The following RASA3 variants were observed in gnomAD, a reference collection of about 807,000 sequenced individuals.
The protein encoded by RASA3 is RAS p21 protein activator 3.
In RASA3, 73 loss-of-function variants were observed where a neutral mutation model predicts 110.0. That is an observed-to-expected ratio of 0.66 (90% CI 0.55 to 0.81). RASA3 has a LOEUF of 0.81. Among genes scored for constraint, RASA3 ranks in the 30% least tolerant of loss-of-function variants. RASA3 has a pLI of 0.00. For missense variants in RASA3, 976 were observed against 1,113.2 expected, an observed-to-expected ratio of 0.88 and a Z score of 1.75; for synonymous variants, 500 against 451.4, an observed-to-expected ratio of 1.11 and a Z score of -1.37.
intron 1 of RASA3, among the ~76,000 whole-genome samples, chr13:114,092,757 G>T (rs1451828144): frequency 6.6e-6 from 1 of 152,000 alleles, no homozygotes; most frequent in Non-Finnish European, 1.5e-5. Flanking sequence ...CTGAAAGTGG[G>T]GTGTGAAGTC....
At chr13:114,037,713 C>A (rs1446527360) in intron 4 of RASA3, among the ~76,000 whole-genome samples, 1 of 152,186 alleles carries the variant, frequency 6.6e-6, no homozygotes, top group African/African-American at 2.4e-5. Flanking sequence ...GAAAAAATAG[C>A]ATAGAATACA....
rs1431097651 is a variant in RASA3, at chr13:114,009,364, T to C, written c.1668+23A>G. ...TCTCCTGAGCACGGCACACGGGCGG[T>C]CGGAGGGTGAGTCGATACTTACGTT... On this transcript the variant is annotated intron_variant, in intron 17 of 23. Transcript: ENST00000334062. 2.5e-6 allele frequency: 4 copies of C among 1,588,096 alleles called. No individual in the cohort carries two copies. The East Asian group carries it at 8.9e-5, about 35-fold the overall frequency.
intron 5 of RASA3, among the ~76,000 whole-genome samples, chr13:114,028,501 G>T (rs111760010): frequency 1.3e-5 from 1 of 79,336 alleles, no homozygotes; most frequent in East Asian, 3.7e-4. Flanking sequence ...TGGGAGCCAG[G>T]ACCTCTAAAA....
intron 1 of RASA3, among the ~76,000 whole-genome samples, chr13:114,130,591 TGGGAGACTCA>T (rs1594489457): frequency 6.6e-6 from 1 of 152,106 alleles, no homozygotes; most frequent in African/African-American, 2.4e-5. Context: ...AGCTGCCTTC[TGGGAGACTCA>T]GGGTCTGAGT....
rs188172996 is a variant in RASA3 at position 113,983,571 on chromosome 13, T to G, written c.2246-1713A>C. 1.7e-3 allele frequency among the ~76,000 whole-genome samples: 153 copies of G among 92,684 alleles called. 12 individuals are homozygous for G. The highest frequency in any genetic ancestry group is 2.3e-3 in the Non-Finnish European group (89 of 39,504). 60.8% of individuals were successfully genotyped at this position (92,684 alleles called of 152,430 possible). A position where few individuals can be genotyped will look rare whatever the true frequency, so the allele number is the denominator to read the frequency against. ...ATTAAAATTCCAGCCTACCCATATC[T>G]CAAAAAAAATGAGACAGCATGTTTG... On this transcript the variant is annotated intron_variant, in intron 22 of 23. Transcript: ENST00000334062.
At chr13:114,000,137 GGGGGGTCTCTGTTGGGGGTGTCTCTGCT>G (rs1407880208) in intron 19 of RASA3, among the ~76,000 whole-genome samples, 6 of 120,216 alleles carry the variant, frequency 5.0e-5, no homozygotes, top group African/African-American at 1.9e-4. Context: ...TCTCTGCTGG[GGGGGGTCTCTGTTGGGGGTGTCTCTGCT>G]GGGGGTCTCT....
intron 3 of RASA3, 98 bp from the exon 4 acceptor site, chr13:114,041,192 C>A: frequency 1.9e-6 from 2 of 1,065,770 alleles, no homozygotes; most frequent in Non-Finnish European, 2.9e-6. Flanking sequence ...AGCTTATTTC[C>A]AACAGTTTAA....
At chr13:114,040,683 A>C (rs574844193) in intron 4 of RASA3, among the ~76,000 whole-genome samples, 1 of 150,574 alleles carries the variant, frequency 6.6e-6, no homozygotes, top group East Asian at 2.0e-4. Context: ...AAGCAGGCAA[A>C]CACGCACAAC....
chr13:114,021,314 A>G, intron 9 of RASA3, 90 bp downstream of exon 9: 1 of 1,146,312 alleles, frequency 8.7e-7, no homozygotes, highest in South Asian at 1.3e-5. Flanking sequence ...GGACCAGCAC[A>G]TGTGGCCTCT....
At chr13:114,022,632 G>C (rs1027366063) in intron 8 of RASA3, among the ~76,000 whole-genome samples, 1 of 152,214 alleles carries the variant, frequency 6.6e-6, no homozygotes, top group Non-Finnish European at 1.5e-5. Context: ...GGCTGCACAG[G>C]AACCCACAGC....
intron 1 of RASA3, among the ~76,000 whole-genome samples, chr13:114,122,459 C>T (rs1474122143): frequency 6.6e-6 from 1 of 152,178 alleles, no homozygotes; most frequent in South Asian, 2.1e-4. Context: ...GCCTTGGAAA[C>T]CCCCATGCAG....
At chr13:114,038,005 CG>C (rs1272012709) in intron 4 of RASA3, among the ~76,000 whole-genome samples, 4 of 151,864 alleles carry the variant, frequency 2.6e-5, no homozygotes, top group Non-Finnish European at 5.9e-5. Flanking sequence ...GGTGGGAATT[CG>C]CCCCTCGCCA....
intron 4 of RASA3, among the ~76,000 whole-genome samples, chr13:114,034,103 C>T (rs1399165228): frequency 2.0e-5 from 3 of 152,104 alleles, no homozygotes; most frequent in South Asian, 2.1e-4. Flanking sequence ...GCCTGCTATC[C>T]GTGGCTATCC....
chr13:114,118,434 G>GT (rs201028050), intron 1 of RASA3, among the ~76,000 whole-genome samples: 1,621 of 152,240 alleles, frequency 0.011, 33 homozygotes, highest in African/African-American at 0.037. Flanking sequence ...TTGCCTTGCC[G>GT]TTGTTGCCTT....
chr13:113,997,970 CCCAGGCTCGGCCCTGCCA>C (rs1382183091), intron 20 of RASA3, among the ~76,000 whole-genome samples: 1 of 152,232 alleles, frequency 6.6e-6, no homozygotes, highest in African/African-American at 2.4e-5. Flanking sequence ...TGGCCATCAT[CCCAGGCTCGGCCCTGCCA>C]CCAGGAGCAG....
At chr13:114,023,867 A>G (rs1188771569) in intron 8 of RASA3, among the ~76,000 whole-genome samples, 1 of 152,248 alleles carries the variant, frequency 6.6e-6, no homozygotes, top group Admixed American at 6.5e-5. Context: ...GAGGCCACCC[A>G]GCCGAGAGTT....
intron 4 of RASA3, among the ~76,000 whole-genome samples, chr13:114,039,287 C>A (rs990066203): frequency 2.6e-5 from 4 of 151,788 alleles, no homozygotes; most frequent in African/African-American, 9.7e-5. Context: ...ACACTCACTG[C>A]GGTCCCAGCT....
At chr13:114,070,218 TC>T (rs1308828099) in intron 2 of RASA3, among the ~76,000 whole-genome samples, 2 of 37,538 alleles carry the variant, frequency 5.3e-5, no homozygotes, top group African/African-American at 2.3e-4. Flanking sequence ...GGTGGGAGAC[TC>T]GGGGGATGGG....
At position 113,979,470 on chromosome 13, in the gene RASA3, G is replaced by C. The variant is rs1336516561; in HGVS notation, c.2430-48C>G. On this transcript the variant is annotated intron_variant, in intron 23 of 23. Coordinates refer to ENST00000334062, the MANE Select transcript of RASA3 (RefSeq NM_007368.4). The stretch of plus-strand genomic sequence containing the variant: ...GAATGAGGCACAGACCCCGTTGCCT[G>C]GTGCTCACCCGTGGCTGCGGGAGCT... 12 of 1,442,432 alleles carry C rather than the reference G, an allele frequency of 8.3e-6. No homozygotes were observed. The Admixed American group carries it at 1.5e-4, about 18-fold the overall frequency. 89.4% of individuals were successfully genotyped at this position (1,442,432 alleles called of 1,614,324 possible).
Sources: allele counts gnomAD v4.1 joint callset (sites outside exome capture counted in the v4.1 genomes callset), GRCh38; gene constraint gnomAD v4.1.1; transcripts MANE v1.5; gene names NCBI Gene and HGNC (gene_info 2026-07-23, HGNC 2026-07-21).